PHF2: variants seen among roughly 807,000 people sequenced by gnomAD.
The protein encoded by PHF2 is PHD finger protein 2, also known as lysine-specific demethylase PHF2.
PHF2 carries 27 observed loss-of-function variants against 120.5 expected under a neutral mutation model. The observed-to-expected ratio is 0.22, with a 90% CI of 0.17 to 0.31. PHF2 has a LOEUF of 0.31. Among genes scored for constraint, PHF2 ranks in the 10% least tolerant of loss-of-function variants. The pLI is 1.00. For missense variants in PHF2, 1,024 were observed against 1,434.8 expected (o/e 0.71, Z 4.63); for synonymous variants, 568 against 592.5 (o/e 0.96, Z 0.60).
chr9:93,673,509 C>T (rs183414386), intron 17 of PHF2, 76 bp from the exon 18 acceptor site: 98 of 1,360,944 alleles, frequency 7.2e-5, no homozygotes, highest in Non-Finnish European at 8.9e-5. Flanking sequence ...TTTGTGCAGG[C>T]CATAGGCTGT....
intron 1 of PHF2, among the ~76,000 whole-genome samples, chr9:93,620,697 C>T (rs1469083009): frequency 1.3e-5 from 2 of 152,206 alleles, no homozygotes; most frequent in African/African-American, 4.8e-5. Flanking sequence ...GATGCTGTAA[C>T]TGTTTTGGTG....
chr9:93,652,290 CTTTT>C (rs751282822), intron 5 of PHF2, among the ~76,000 whole-genome samples: 4 of 96,358 alleles, frequency 4.2e-5, no homozygotes, highest in Admixed American at 1.1e-4. Flanking sequence ...TTGAGCTTGA[CTTTT>C]TTTTTTTTTT....
chr9:93,655,834 A>C (rs1293076745), intron 7 of PHF2, 100 bp from the exon 8 acceptor site: 2 of 802,574 alleles, frequency 2.5e-6, no homozygotes, highest in Non-Finnish European at 4.0e-6. Context: ...CTGGGCCGGG[A>C]AAGGCCTGTG....
chr9:93,658,423 C>T (rs563061595), intron 10 of PHF2, among the ~76,000 whole-genome samples, 187 bp downstream of exon 10: 6 of 152,290 alleles, frequency 3.9e-5, no homozygotes, highest in South Asian at 2.1e-4. Flanking sequence ...CCCATGGGTC[C>T]GTCCCCTGCT....
intron 17 of PHF2, among the ~76,000 whole-genome samples, chr9:93,673,108 C>A (rs1187008042): frequency 6.6e-6 from 1 of 151,834 alleles, no homozygotes; most frequent in African/African-American, 2.4e-5. Context: ...CAGGGTGACA[C>A]ATGGGAAGGT....
intron 17 of PHF2, chr9:93,672,474 G>C (rs1172854572): frequency 1.5e-5 from 15 of 973,040 alleles, no homozygotes; most frequent in Non-Finnish European, 1.6e-5. Flanking sequence ...ACAGGTGTGA[G>C]TGTGGGAGTA....
At chr9:93,672,888 T>G (rs1168805670) in intron 17 of PHF2, 123 of 873,210 alleles carry the variant, frequency 1.4e-4, no homozygotes, top group East Asian at 1.1e-3. Flanking sequence ...GCAGGTGTGG[T>G]TGGAGGTACA....
intron 1 of PHF2, among the ~76,000 whole-genome samples, chr9:93,608,398 G>GTT (rs35097935): frequency 0.33 from 46,503 of 142,414 alleles, 8,048 homozygotes; most frequent in Non-Finnish European, 0.4. Flanking sequence ...TTGATTGGTA[G>GTT]TTTTTTTTTT....
At chr9:93,625,468 C>CT (rs905164226) in intron 1 of PHF2, among the ~76,000 whole-genome samples, 3,476 of 94,736 alleles carry the variant, frequency 0.037, 484 homozygotes, top group African/African-American at 0.094. Flanking sequence ...GTTTGAGTAC[C>CT]TTTTTTTTTT....
chr9:93,606,461 T>C (rs1825544530), intron 1 of PHF2, among the ~76,000 whole-genome samples: 1 of 152,224 alleles, frequency 6.6e-6, no homozygotes, highest in Non-Finnish European at 1.5e-5. Context: ...CCTGATGAAA[T>C]ATAATGTGGA....
At chr9:93,672,531 C>G (rs1826824490) in intron 17 of PHF2, 3 of 980,650 alleles carry the variant, frequency 3.1e-6, no homozygotes, top group African/African-American at 1.8e-5. Context: ...GGTGCAGATG[C>G]AGGTGTGGGG....
At chr9:93,645,582 A>C (rs1481884011) in intron 3 of PHF2, 47 bp from the exon 4 acceptor site, 11 of 1,506,748 alleles carry the variant, frequency 7.3e-6, no homozygotes, top group African/African-American at 2.8e-5. Flanking sequence ...GTCCCGGTGC[A>C]GGAGGCCTCG....
At chr9:93,644,563 G>T (rs79734557) in intron 3 of PHF2, among the ~76,000 whole-genome samples, 1 of 151,938 alleles carries the variant, frequency 6.6e-6, no homozygotes, top group Non-Finnish European at 1.5e-5. Context: ...TCCTCCCCTC[G>T]GCCCTGTCTT....
intron 1 of PHF2, among the ~76,000 whole-genome samples, chr9:93,607,439 ATTTT>A (rs36083667): frequency 8.0e-5 from 8 of 100,534 alleles, no homozygotes; most frequent in Admixed American, 2.3e-4. Flanking sequence ...TGCCTGGCTA[ATTTT>A]TTTTTTTTTT....
At chr9:93,610,791 T>C (rs1825621106) in intron 1 of PHF2, among the ~76,000 whole-genome samples, 1 of 152,202 alleles carries the variant, frequency 6.6e-6, no homozygotes, top group South Asian at 2.1e-4. Context: ...AAATGTGACT[T>C]CTGGGGCCTC....
intron 12 of PHF2, among the ~76,000 whole-genome samples, chr9:93,662,257 C>T (rs1017070531): frequency 1.4e-5 from 2 of 146,110 alleles, no homozygotes; most frequent in Admixed American, 6.8e-5. Context: ...ATGGACTGAT[C>T]GATGGATAAA....
At chr9:93,675,815 G>A (rs201918775) in intron 20 of PHF2, 26 bp downstream of exon 20, 64 of 1,562,262 alleles carry the variant, frequency 4.1e-5, no homozygotes, top group African/African-American at 5.4e-5. Context: ...AAGGACACAC[G>A]GCAGCCAGGT....
At position 93,656,075 on chromosome 9, in the gene PHF2, C is replaced by T; in HGVS notation, c.1040+54C>T. On this transcript the variant is annotated intron_variant, in intron 8 of 21. Coordinates refer to ENST00000359246, the MANE Select transcript of PHF2 (RefSeq NM_005392.4). The surrounding 1 kb of genome is among the most constrained non-coding windows in gnomAD (Gnocchi z 4.1). The stretch of plus-strand genomic sequence containing the variant: ...GGCTCCGCAGAGCAGCGTCCTCCCT[C>T]TAGCTGGGTCGGTGCTAGATGCCTT... The T allele has an allele frequency of 6.8e-7, 1 of 1,475,490 alleles. No homozygotes were observed. The highest frequency in any genetic ancestry group is 1.2e-5 in the South Asian group (1 of 82,954). 91.4% of individuals were successfully genotyped at this position (1,475,490 alleles called of 1,614,324 possible). A position where few individuals can be genotyped will look rare whatever the true frequency, so the allele number is the denominator to read the frequency against.
chr9:93,633,445 T>C (rs1238987859), intron 2 of PHF2, among the ~76,000 whole-genome samples: 31 of 152,208 alleles, frequency 2.0e-4, no homozygotes, highest in Admixed American at 2.0e-3. Context: ...AGTTTTCTTG[T>C]TGAACTGACT....
Sources: gnomAD v4.1 joint callset for allele counts (sites outside exome capture counted in the v4.1 genomes callset) on GRCh38, gnomAD v4.1.1 for gene constraint, Gnocchi (gnomAD v3.1) non-coding constraint, MANE v1.5 for transcripts, NCBI Gene and HGNC (gene_info 2026-07-23, HGNC 2026-07-21) for gene names.